The following DENND4C variants were observed in gnomAD, a reference collection of about 807,000 sequenced individuals.
DENND4C encodes DENN domain-containing protein 4C.
A neutral mutation model predicts 203.0 loss-of-function variants in DENND4C; 108 were observed. The ratio of observed to expected loss-of-function variants is 0.53; its 90% CI spans 0.46 to 0.62. DENND4C has a LOEUF of 0.62. Among genes scored for constraint, DENND4C ranks in the 20% least tolerant of loss-of-function variants. The probability of loss-of-function intolerance (pLI) is 0.00; values close to 1 mark genes in which losing one functional copy is unlikely to be tolerated. For synonymous variants in DENND4C, 871 were observed against 792.4 expected (o/e 1.10, Z -1.67); for missense variants, 2,481 against 2,301.2 (o/e 1.08, Z -1.60).
In DENND4C at chr9:19,372,786, T is replaced by C. The variant is rs1829051151; in HGVS notation, c.*613T>C. ...GCTGAGGCAGGAGAATCGCTTGAAC[T>C]GAGGCAGAGGCTACAGTGAGTGGAG... On this transcript the variant is annotated 3_prime_UTR_variant, in exon 33 of 33. Transcript: ENST00000434457. 7.0e-6 allele frequency: 1 copy of C among 142,282 alleles called. No homozygotes were observed. The highest frequency in any genetic ancestry group is 1.5e-5 in the Non-Finnish European group (1 of 67,182). The allele number at this position is 142,282 out of a possible 1,614,324, so 8.8% of individuals were successfully genotyped here.
At chr9:19,351,092 G>A (rs1208659356) in intron 24 of DENND4C, among the ~76,000 whole-genome samples, 1 of 151,946 alleles carries the variant, frequency 6.6e-6, no homozygotes, top group Non-Finnish European at 1.5e-5. Context: ...TTAGATGCCT[G>A]TAACTCCCCG....
chr9:19,342,124 C>CAAAAAAAAA (rs34191941), intron 21 of DENND4C, among the ~76,000 whole-genome samples: 2 of 61,864 alleles, frequency 3.2e-5, no homozygotes, highest in Non-Finnish European at 3.4e-5. Flanking sequence ...GACTCCATCT[C>CAAAAAAAAA]AAAAAAAAAA....
In DENND4C at chr9:19,305,539, C is replaced by T; in HGVS notation, c.1487+12C>T. 1 of 1,602,270 alleles carries T rather than the reference C, an allele frequency of 6.2e-7. No homozygotes were observed. Among genetic ancestry groups the T allele is most frequent in the African/African-American group, 1.3e-5 (1 of 74,780 alleles). On this transcript the variant is annotated intron_variant, in intron 10 of 32. Coordinates refer to ENST00000434457, the MANE Select transcript of DENND4C (RefSeq NM_001330640.2). Reference sequence around the variant, plus strand: ...AACATGTTATATGTGTAAGTTGATTCATTTTATATTATCTCCCATTTATAT... The same window carrying T: ...AACATGTTATATGTGTAAGTTGATTTATTTTATATTATCTCCCATTTATAT...
chr9:19,314,760 C>T (rs920183127), intron 10 of DENND4C, among the ~76,000 whole-genome samples: 1 of 152,002 alleles, frequency 6.6e-6, no homozygotes, highest in African/African-American at 2.4e-5. Context: ...CCAGGTTGAT[C>T]CTAAAGCTGG....
chr9:19,241,872 A>G (rs892131805), intron 1 of DENND4C, among the ~76,000 whole-genome samples: 2 of 128,884 alleles, frequency 1.6e-5, no homozygotes, highest in African/African-American at 5.5e-5. Context: ...AGTAAGTAGA[A>G]GGAGTGCACT....
At chr9:19,330,887 T>G (rs1818960180) in intron 16 of DENND4C, among the ~76,000 whole-genome samples, 1 of 151,670 alleles carries the variant, frequency 6.6e-6, no homozygotes, top group Admixed American at 6.6e-5. Flanking sequence ...CTGTCTCTAC[T>G]AAAAATCTGC....
At chr9:19,257,486 C>A (rs901622057) in intron 1 of DENND4C, among the ~76,000 whole-genome samples, 3 of 151,886 alleles carry the variant, frequency 2.0e-5, no homozygotes, top group South Asian at 2.1e-4. Flanking sequence ...TCAGCTTCCA[C>A]CTTAAAAAAC....
At chr9:19,241,819 A>C (rs1434277930) in intron 1 of DENND4C, among the ~76,000 whole-genome samples, 3 of 151,928 alleles carry the variant, frequency 2.0e-5, no homozygotes, top group Non-Finnish European at 4.4e-5. Context: ...GGAGATTGGG[A>C]CCAGCCTGGG....
At chr9:19,345,663 G>A (rs1390230741) in intron 22 of DENND4C, among the ~76,000 whole-genome samples, 1 of 152,206 alleles carries the variant, frequency 6.6e-6, no homozygotes, top group African/African-American at 2.4e-5. Flanking sequence ...ATCATATGTT[G>A]CATGATTTGT....
At chr9:19,354,488 T>A (rs1463832944) in intron 26 of DENND4C, among the ~76,000 whole-genome samples, 1 of 152,132 alleles carries the variant, frequency 6.6e-6, no homozygotes, top group Non-Finnish European at 1.5e-5. Flanking sequence ...ATTTTGGCAT[T>A]GTTTGAATTT....
At chr9:19,300,939 G>A (rs1275920315) in intron 9 of DENND4C, among the ~76,000 whole-genome samples, 1 of 152,146 alleles carries the variant, frequency 6.6e-6, no homozygotes, top group East Asian at 1.9e-4. Flanking sequence ...CAGCAATTTG[G>A]GAGGCTGAGG....
chr9:19,318,201 C>G (rs974424200), intron 12 of DENND4C, among the ~76,000 whole-genome samples: 1 of 152,040 alleles, frequency 6.6e-6, no homozygotes, highest in Admixed American at 6.6e-5. Context: ...TGCCTGTAAT[C>G]CCAGCTATTC....
chr9:19,366,437 T>TA (rs926285772), intron 30 of DENND4C, among the ~76,000 whole-genome samples: 3 of 151,868 alleles, frequency 2.0e-5, no homozygotes, highest in African/African-American at 2.4e-5. Context: ...CCATCTCTAC[T>TA]AAAAAAATAC....
intron 2 of DENND4C, among the ~76,000 whole-genome samples, chr9:19,281,395 C>G (rs866461204): frequency 6.6e-6 from 1 of 152,168 alleles, no homozygotes; most frequent in Non-Finnish European, 1.5e-5. Flanking sequence ...ACTTTCCCCC[C>G]ACTCTTTCCT....
intron 1 of DENND4C, among the ~76,000 whole-genome samples, chr9:19,246,752 T>G (rs1413133261): frequency 2.6e-5 from 4 of 152,188 alleles, no homozygotes; most frequent in African/African-American, 9.7e-5. Flanking sequence ...ATTTTTATTT[T>G]ATCTAGACCT....
chr9:19,322,139 G>C (rs1842985908), intron 12 of DENND4C, among the ~76,000 whole-genome samples: 1 of 152,194 alleles, frequency 6.6e-6, no homozygotes, highest in African/African-American at 2.4e-5. Context: ...GGAAATAGTT[G>C]TGAAAACATG....
Position 19,341,001 on chromosome 9 carries a change from C to T in DENND4C, c.2891C>T (p.Ser964Phe), listed in dbSNP as rs1432238418. 1 of 1,604,560 alleles carries T rather than the reference C, an allele frequency of 6.2e-7. No homozygotes were observed. The highest frequency in any genetic ancestry group is 8.5e-7 in the Non-Finnish European group (1 of 1,176,740). ...GCATTCTTTTTAACAGGTGGTCAGT[C>T]TGACCAAGGATACGGGTCTAAGGAT... is the stretch of plus-strand genomic sequence containing the variant. ...IDNHSSTGGQ[S>F]DQGYGSKDEL... The change falls in exon 21 of 33, where the codon TCT (serine) becomes TTT (phenylalanine). Residue 964 changes from serine (S) to phenylalanine (F), a missense_variant. Physicochemically the swap from Ser to Phe is radical, Grantham distance 155. Around this residue, in one of 3 missense-constraint regions of DENND4C, gnomAD observed 2,289 missense variants for 2,113.3 expected, o/e 1.08. Coordinates refer to ENST00000434457, the MANE Select transcript of DENND4C (RefSeq NM_001330640.2).
intron 9 of DENND4C, among the ~76,000 whole-genome samples, chr9:19,301,266 A>G (rs987455174): frequency 2.6e-5 from 4 of 151,974 alleles, no homozygotes; most frequent in African/African-American, 7.3e-5. Context: ...CCACTTCTCC[A>G]ACCCTATCAC....
intron 10 of DENND4C, among the ~76,000 whole-genome samples, chr9:19,306,091 A>G (rs1588884268): frequency 6.6e-6 from 1 of 152,240 alleles, no homozygotes; most frequent in African/African-American, 2.4e-5. Context: ...AGCAAACTAC[A>G]TTAATAAAAG....
Sources: gnomAD v4.1 joint callset for allele counts (sites outside exome capture counted in the v4.1 genomes callset) on GRCh38, gnomAD v4.1.1 for gene constraint, gnomAD v4.1.1 regional missense constraint, MANE v1.5 for transcripts, NCBI Gene and HGNC (gene_info 2026-07-23, HGNC 2026-07-21) for gene names.